The following ADAMTSL1 variants were observed in gnomAD, a reference collection of about 807,000 sequenced individuals.
The protein encoded by ADAMTSL1 is ADAMTS like 1.
ADAMTSL1 carries 126 observed loss-of-function variants against 201.8 expected under a neutral mutation model. That is an observed-to-expected ratio of 0.62 (90% CI 0.54 to 0.72). The LOEUF (loss-of-function observed/expected upper bound fraction) is 0.72, where lower values mean the gene tolerates loss of function less well. Ranked by LOEUF, ADAMTSL1 falls within the 30% of genes least tolerant of loss-of-function variation. ADAMTSL1 has a pLI of 0.00. For synonymous variants in ADAMTSL1, 1,121 were observed against 903.4 expected, an observed-to-expected ratio of 1.24 and a Z score of -4.32; for missense variants, 2,679 against 2,277.8, an observed-to-expected ratio of 1.18 and a Z score of -3.59.
At chr9:18,186,574 T>G (rs996376803) in intron 2 of ADAMTSL1, among the ~76,000 whole-genome samples, 4 of 152,146 alleles carry the variant, frequency 2.6e-5, no homozygotes, top group Non-Finnish European at 4.4e-5. Context: ...TTCAGTCCCT[T>G]TGACAGAACT....
intron 2 of ADAMTSL1, among the ~76,000 whole-genome samples, chr9:18,523,274 T>C (rs1483914259): frequency 1.3e-5 from 2 of 152,246 alleles, no homozygotes; most frequent in African/African-American, 4.8e-5. Flanking sequence ...CTTTTCCCAC[T>C]TTTTGATGGG....
intron 1 of ADAMTSL1, among the ~76,000 whole-genome samples, chr9:18,055,712 C>G (rs1177202455): frequency 6.6e-6 from 1 of 152,198 alleles, no homozygotes; most frequent in Non-Finnish European, 1.5e-5. Context: ...ATCACTGGAT[C>G]TGCACATGCC....
intron 1 of ADAMTSL1, among the ~76,000 whole-genome samples, chr9:17,980,549 G>A (rs1037625402): frequency 6.6e-6 from 1 of 151,912 alleles, no homozygotes; most frequent in African/African-American, 2.4e-5. Flanking sequence ...GAATGTTTGT[G>A]TTCCCTCAAG....
At chr9:18,255,919 A>T (rs1431520891) in intron 2 of ADAMTSL1, among the ~76,000 whole-genome samples, 60 of 152,136 alleles carry the variant, frequency 3.9e-4, no homozygotes. Context: ...TCTAAATCTG[A>T]TTGTGGTCTT....
At chr9:18,650,178 C>T (rs549748273) in intron 7 of ADAMTSL1, among the ~76,000 whole-genome samples, 4 of 152,302 alleles carry the variant, frequency 2.6e-5, no homozygotes, top group South Asian at 2.1e-4. Context: ...ACTCCGTGGG[C>T]GTGGGACCCT....
chr9:18,269,014 A>G (rs187135709), intron 2 of ADAMTSL1, among the ~76,000 whole-genome samples: 218 of 152,256 alleles, frequency 1.4e-3, no homozygotes, highest in African/African-American at 5.0e-3. Flanking sequence ...ATAGTTTTGA[A>G]GTTCTATACA....
intron 1 of ADAMTSL1, among the ~76,000 whole-genome samples, chr9:18,029,319 G>T (rs1765442299): frequency 6.6e-6 from 1 of 152,118 alleles, no homozygotes; most frequent in African/African-American, 2.4e-5. Flanking sequence ...TTTAATAAAT[G>T]GTGCTGGGAA....
chr9:17,931,225 C>G (rs534284771), intron 1 of ADAMTSL1, among the ~76,000 whole-genome samples: 2 of 152,170 alleles, frequency 1.3e-5, no homozygotes, highest in Non-Finnish European at 2.9e-5. Flanking sequence ...TGCCATTCTT[C>G]CCGACTCCAC....
chr9:18,812,060 A>G (rs988876675), intron 20 of ADAMTSL1, among the ~76,000 whole-genome samples: 1 of 152,244 alleles, frequency 6.6e-6, no homozygotes, highest in African/African-American at 2.4e-5. Context: ...AATTCCTGTC[A>G]TAATCTTACT....
chr9:18,860,695 T>A (rs1827159414), intron 23 of ADAMTSL1, among the ~76,000 whole-genome samples: 1 of 150,688 alleles, frequency 6.6e-6, no homozygotes. Flanking sequence ...CAAAAATAAA[T>A]TTTAAGGGGA....
intron 1 of ADAMTSL1, among the ~76,000 whole-genome samples, chr9:18,478,130 T>C (rs1330171299): frequency 6.6e-6 from 1 of 152,196 alleles, no homozygotes; most frequent in Admixed American, 6.5e-5. Flanking sequence ...GCTATTACTC[T>C]AACTTAGGAG....
At chr9:17,999,165 A>C (rs1819507726) in intron 1 of ADAMTSL1, among the ~76,000 whole-genome samples, 2 of 152,114 alleles carry the variant, frequency 1.3e-5, no homozygotes, top group Non-Finnish European at 2.9e-5. Flanking sequence ...TGTGATAATG[A>C]ACACAAAGAT....
chr9:18,101,288 G>C (rs1303592336), intron 1 of ADAMTSL1, among the ~76,000 whole-genome samples: 1 of 152,118 alleles, frequency 6.6e-6, no homozygotes, highest in Non-Finnish European at 1.5e-5. Flanking sequence ...ACGAGGTCAG[G>C]AGGTCGAGAC....
chr9:17,948,665 T>C (rs1446416090), intron 1 of ADAMTSL1, among the ~76,000 whole-genome samples: 2 of 152,190 alleles, frequency 1.3e-5, no homozygotes, highest in African/African-American at 4.8e-5. Flanking sequence ...CCCATGCTAA[T>C]AGATAAGTCC....
chr9:18,479,359 A>G (rs1033446028), intron 1 of ADAMTSL1, among the ~76,000 whole-genome samples: 2 of 152,226 alleles, frequency 1.3e-5, no homozygotes, highest in African/African-American at 2.4e-5. Context: ...CTCAGTATTC[A>G]TAAATCCATT....
intron 2 of ADAMTSL1, among the ~76,000 whole-genome samples, chr9:18,381,784 G>A (rs73432638): frequency 6.6e-6 from 1 of 151,688 alleles, no homozygotes; most frequent in Non-Finnish European, 1.5e-5. Flanking sequence ...GAGCAGGAGA[G>A]GGGGGATTAG....
At chr9:18,580,773 C>A (rs1367910521) in intron 4 of ADAMTSL1, among the ~76,000 whole-genome samples, 1 of 152,118 alleles carries the variant, frequency 6.6e-6, no homozygotes, top group African/African-American at 2.4e-5. Context: ...ATGCTAAATA[C>A]TGAAAATACA....
chr9:18,328,961 GC>G (rs1333672605), intron 2 of ADAMTSL1, among the ~76,000 whole-genome samples: 1 of 152,042 alleles, frequency 6.6e-6, no homozygotes, highest in Non-Finnish European at 1.5e-5. Context: ...TCCAATCAAA[GC>G]TTTTTCAAAA....
At chr9:18,898,846 A>T (rs1829825399) in intron 26 of ADAMTSL1, among the ~76,000 whole-genome samples, 1 of 152,248 alleles carries the variant, frequency 6.6e-6, no homozygotes, top group African/African-American at 2.4e-5. Flanking sequence ...TTGCTATTAT[A>T]GAGAATGGCA....
Sources: allele counts gnomAD v4.1 joint callset (sites outside exome capture counted in the v4.1 genomes callset), GRCh38; gene constraint gnomAD v4.1.1; transcripts MANE v1.5; gene names NCBI Gene and HGNC (gene_info 2026-07-23, HGNC 2026-07-21).